The following DGLUCY variants were observed in gnomAD, a reference collection of about 807,000 sequenced individuals.
The protein encoded by DGLUCY is D-glutamate cyclase, mitochondrial.
In DGLUCY, 58 loss-of-function variants were observed where a neutral mutation model predicts 58.5. The ratio of observed to expected loss-of-function variants is 0.99; its 90% CI spans 0.80 to 1.23. DGLUCY has a LOEUF of 1.23. DGLUCY is among the 50% of genes most tolerant of loss of function. The pLI is 0.00. For synonymous variants in DGLUCY, 325 were observed against 314.1 expected, an observed-to-expected ratio of 1.03 and a Z score of -0.37; for missense variants, 779 against 784.7, an observed-to-expected ratio of 0.99 and a Z score of 0.09.
chr14:91,150,328 G>A (rs935528033), intron 1 of DGLUCY, among the ~76,000 whole-genome samples: 11 of 151,916 alleles, frequency 7.2e-5, no homozygotes, highest in Admixed American at 2.0e-4. Context: ...CAGGGGCCCC[G>A]GGGCTAGAAT....
In DGLUCY at chr14:91,084,246, C is replaced by T. The variant is rs538441273; in HGVS notation, c.-82+23542C>T. 5.4e-4 allele frequency among the ~76,000 whole-genome samples: 81 copies of T among 151,008 alleles called. 1 individual carries two copies. In the Middle Eastern group the frequency reaches 0.014, roughly 26 times the overall value. On this transcript the variant is annotated intron_variant, in intron 1 of 4. Coordinates refer to the DGLUCY transcript ENST00000521334. ...TGAGATGGAGTCTTGCTCTGTCACC[C>T]GGGCTGGATTGCAGTGGCCCAATCT...
chr14:91,160,219 C>T, intron 2 of DGLUCY, 47 bp from the exon 3 acceptor site: 1 of 1,193,492 alleles, frequency 8.4e-7, no homozygotes, highest in South Asian at 1.2e-5. Flanking sequence ...CTGCTGCCTT[C>T]AGGGGGCCAC....
intron 13 of DGLUCY, chr14:91,220,545 A>G: frequency 2.2e-6 from 1 of 456,326 alleles, no homozygotes; most frequent in Non-Finnish European, 4.4e-6. Flanking sequence ...GAAGGAGGTG[A>G]AGGCCAAGAC....
At chr14:91,173,060 C>G (rs1373127565) in intron 5 of DGLUCY, among the ~76,000 whole-genome samples, 2 of 152,174 alleles carry the variant, frequency 1.3e-5, no homozygotes, top group Non-Finnish European at 2.9e-5. Flanking sequence ...CACAGCTGTA[C>G]TAGTCTACCA....
chr14:91,121,609 A>AAATAATAATAATAAT (rs55743510), intron 1 of DGLUCY, among the ~76,000 whole-genome samples: 1 of 142,804 alleles, frequency 7.0e-6, no homozygotes, highest in Admixed American at 7.1e-5. Flanking sequence ...TCCATCTCAA[A>AAATAATAATAATAAT]AATAATAATA....
intron 1 of DGLUCY, among the ~76,000 whole-genome samples, chr14:91,069,799 C>CTTTTTTTTTTTTTTTTTTT (rs5810528): frequency 8.3e-6 from 1 of 121,038 alleles, no homozygotes. Context: ...TGATATGCCT[C>CTTTTTTTTTTTTTTTTTTT]TTTTTTTTTT....
In DGLUCY at chr14:91,197,754, C is replaced by T. The variant is rs147259152; in HGVS notation, c.1295+1280C>T. Among the ~76,000 whole-genome samples the T allele has an allele frequency of 2.4e-4, 37 of 152,272 alleles. 1 individual carries two copies. Among genetic ancestry groups the T allele is most frequent in the African/African-American group, 8.2e-4 (34 of 41,554 alleles). ...GCCTTTTTAAGGCTGAATAACATTC[C>T]CTTGTGTGTATAGACCACATTATGT... On this transcript the variant is annotated intron_variant, in intron 10 of 13. Transcript: ENST00000256324.
At chr14:91,074,312 AAT>A (rs71120111) in intron 1 of DGLUCY, among the ~76,000 whole-genome samples, 89 of 121,868 alleles carry the variant, frequency 7.3e-4, no homozygotes, top group Middle Eastern at 3.9e-3. Context: ...AAAAAAAAAA[AAT>A]ATATATATAT....
intron 1 of DGLUCY, among the ~76,000 whole-genome samples, chr14:91,085,789 G>A (rs2140055849): frequency 6.6e-6 from 1 of 152,040 alleles, no homozygotes; most frequent in African/African-American, 2.4e-5. Context: ...GGCTGGTCTC[G>A]AACTCCTGAC....
At chr14:91,219,992 C>T (rs531219657) in intron 13 of DGLUCY, among the ~76,000 whole-genome samples, 287 of 152,294 alleles carry the variant, frequency 1.9e-3, no homozygotes, top group Admixed American at 6.4e-3. Flanking sequence ...CCCCTCAGCC[C>T]GATGGAGGCC....
intron 3 of DGLUCY, among the ~76,000 whole-genome samples, chr14:91,160,785 T>C (rs943535831): frequency 1.3e-5 from 2 of 152,208 alleles, no homozygotes; most frequent in Non-Finnish European, 2.9e-5. Flanking sequence ...ACTGGTCTTA[T>C]TCTCTGGTGG....
At chr14:91,132,478 C>CT (rs111238992) in intron 1 of DGLUCY, among the ~76,000 whole-genome samples, 4,446 of 142,466 alleles carry the variant, frequency 0.031, 209 homozygotes, top group African/African-American at 0.099. Context: ...ATAACTTTTT[C>CT]TTTTTTTTTT....
At chr14:91,217,381 C>A (rs147922743) in intron 13 of DGLUCY, among the ~76,000 whole-genome samples, 1 of 151,956 alleles carries the variant, frequency 6.6e-6, no homozygotes, top group Non-Finnish European at 1.5e-5. Flanking sequence ...CAGAAGAGCC[C>A]GAGATTGGGT....
upstream of DGLUCY, among the ~76,000 whole-genome samples, chr14:91,112,737 A>G (rs1053979485): frequency 3.9e-5 from 6 of 152,044 alleles, no homozygotes; most frequent in African/African-American, 1.4e-4. Context: ...AAAAAAAAAT[A>G]GGCTGGGAGC....
rs762706250 is a variant in DGLUCY at position 91,126,489 on chromosome 14, T to C, written c.-82+12206T>C. On this transcript the variant is annotated intron_variant, in intron 1 of 13. Coordinates refer to ENST00000256324, the MANE Select transcript of DGLUCY (RefSeq NM_001102368.3). ...CTGTTTACAACACACCCAATAGGAATCTGGGGTCATTGTGACAAGGGACAC... is the reference window on the plus strand; with the variant it reads ...CTGTTTACAACACACCCAATAGGAACCTGGGGTCATTGTGACAAGGGACAC... 3.3e-4 allele frequency: 76 copies of C among 228,866 alleles called. 1 individual carries two copies. The highest frequency in any genetic ancestry group is 5.0e-4 in the Non-Finnish European group (54 of 108,514). The allele number at this position is 228,866 out of a possible 1,614,324, so 14.2% of individuals were successfully genotyped here.
chr14:91,131,181 CTCAAGTGATCTTCCTG>C (rs1456224444), intron 1 of DGLUCY, among the ~76,000 whole-genome samples: 2 of 152,126 alleles, frequency 1.3e-5, no homozygotes, highest in Non-Finnish European at 2.9e-5. Flanking sequence ...AACTCCTGGC[CTCAAGTGATCTTCCTG>C]TCTTGGCCTT....
At chr14:91,207,885 T>A (rs1885025142) in intron 12 of DGLUCY, among the ~76,000 whole-genome samples, 2 of 152,182 alleles carry the variant, frequency 1.3e-5, no homozygotes. Context: ...TAGCTGGGAT[T>A]ACAGGCATGC....
At chr14:91,107,318 A>C (rs925971129), upstream of DGLUCY, among the ~76,000 whole-genome samples, 3 of 151,986 alleles carry the variant, frequency 2.0e-5, no homozygotes, top group Non-Finnish European at 4.4e-5. Context: ...CGGGAGTTCG[A>C]GACCAGCCTG....
At chr14:91,149,176 G>C (rs1218270736) in intron 1 of DGLUCY, among the ~76,000 whole-genome samples, 3 of 151,756 alleles carry the variant, frequency 2.0e-5, no homozygotes, top group Admixed American at 6.6e-5. Flanking sequence ...GAACCCGTGC[G>C]GCGGAGGTTG....
Sources: gnomAD v4.1 joint callset for allele counts (sites outside exome capture counted in the v4.1 genomes callset) on GRCh38, gnomAD v4.1.1 for gene constraint, MANE v1.5 for transcripts, NCBI Gene and HGNC (gene_info 2026-07-23, HGNC 2026-07-21) for gene names.